The following MYO1D variants were observed in gnomAD, a reference collection of about 807,000 sequenced individuals.
MYO1D encodes unconventional myosin-Id.
MYO1D carries 83 observed loss-of-function variants against 122.0 expected under a neutral mutation model. That is an observed-to-expected ratio of 0.68 (90% CI 0.57 to 0.82). MYO1D has a LOEUF of 0.82. Ranked by LOEUF, MYO1D falls within the 40% of genes least tolerant of loss-of-function variation. The probability of loss-of-function intolerance (pLI) is 0.00; values close to 1 mark genes in which losing one functional copy is unlikely to be tolerated. For missense variants in MYO1D, 1,157 were observed against 1,269.5 expected, an observed-to-expected ratio of 0.91 and a Z score of 1.35; for synonymous variants, 464 against 446.9, an observed-to-expected ratio of 1.04 and a Z score of -0.48.
intron 21 of MYO1D, among the ~76,000 whole-genome samples, chr17:32,545,004 T>C (rs993929464): frequency 1.3e-5 from 2 of 152,208 alleles, no homozygotes; most frequent in Non-Finnish European, 2.9e-5. Context: ...CTTGTCCACC[T>C]GCCTTGCGTA....
intron 20 of MYO1D, among the ~76,000 whole-genome samples, chr17:32,613,061 C>T (rs1250390183): frequency 1.3e-5 from 2 of 151,986 alleles, no homozygotes; most frequent in Non-Finnish European, 2.9e-5. Context: ...AGCCACTGCA[C>T]CAGGCCTGAA....
intron 1 of MYO1D, among the ~76,000 whole-genome samples, chr17:32,795,818 AC>A (rs980439561): frequency 2.0e-5 from 3 of 152,046 alleles, no homozygotes; most frequent in African/African-American, 7.3e-5. Context: ...CATAGCAGTT[AC>A]GTCAGACTAC....
At chr17:32,685,966 A>G (rs569821564) in intron 16 of MYO1D, among the ~76,000 whole-genome samples, 1 of 152,362 alleles carries the variant, frequency 6.6e-6, no homozygotes, top group East Asian at 1.9e-4. Flanking sequence ...ATGAGCAACA[A>G]ATAAATTCTG....
At chr17:32,756,223 T>C (rs1029639832) in intron 10 of MYO1D, 4 of 228,044 alleles carry the variant, frequency 1.8e-5, no homozygotes, top group Non-Finnish European at 3.5e-5. Flanking sequence ...ATACTGTTAA[T>C]GTGTCACGCA....
At chr17:32,509,592 C>CTT (rs879629776) in intron 21 of MYO1D, among the ~76,000 whole-genome samples, 1 of 146,794 alleles carries the variant, frequency 6.8e-6, no homozygotes. Context: ...TTTTTTCTTT[C>CTT]TTTTTTTTTT....
intron 16 of MYO1D, among the ~76,000 whole-genome samples, chr17:32,666,983 T>C (rs1394692590): frequency 1.3e-5 from 2 of 152,248 alleles, no homozygotes; most frequent in Non-Finnish European, 2.9e-5. Context: ...GTCTACATAA[T>C]GGGGAACTTT....
chr17:32,804,071 G>A (rs547181122), intron 1 of MYO1D, among the ~76,000 whole-genome samples: 2 of 152,282 alleles, frequency 1.3e-5, no homozygotes, highest in Admixed American at 6.5e-5. Flanking sequence ...AGGACCTCTT[G>A]TGGATAGCAG....
intron 20 of MYO1D, among the ~76,000 whole-genome samples, chr17:32,612,697 A>C (rs1233354657): frequency 6.0e-5 from 5 of 83,050 alleles, no homozygotes; most frequent in Non-Finnish European, 9.2e-5. Flanking sequence ...AAAAAAAAAC[A>C]AAAAAAAAAA....
chr17:32,587,373 G>A (rs570597547), intron 21 of MYO1D, among the ~76,000 whole-genome samples: 33 of 152,168 alleles, frequency 2.2e-4, no homozygotes, highest in Middle Eastern at 6.8e-3. Flanking sequence ...TTAGCCAGGC[G>A]TGGTGGTGGG....
At chr17:32,671,455 G>A (rs180987944) in intron 16 of MYO1D, among the ~76,000 whole-genome samples, 92 of 152,336 alleles carry the variant, frequency 6.0e-4, no homozygotes, top group African/African-American at 2.0e-3. Context: ...GCGCTGGGGC[G>A]AAAGGCATAA....
rs544906001 is a variant in MYO1D at position 32,498,539 on chromosome 17, A to C, written c.2865-3624T>G. ...ACTCCACCCCGGGCACTGTGTCGGC[A>C]CTGGAAACATGAAACCCGAGCTGGG... On this transcript the variant is annotated intron_variant, in intron 21 of 21. Coordinates refer to ENST00000318217, the MANE Select transcript of MYO1D (RefSeq NM_015194.3). 2.6e-5 allele frequency: 4 copies of C among 152,312 alleles called. No homozygotes were observed. In the East Asian group the frequency reaches 5.8e-4, roughly 22 times the overall value. The allele number at this position is 152,312 out of a possible 1,614,324, so 9.4% of individuals were successfully genotyped here. A position where few individuals can be genotyped will look rare whatever the true frequency, so the allele number is the denominator to read the frequency against.
At chr17:32,502,172 G>T (rs1252067124) in intron 21 of MYO1D, among the ~76,000 whole-genome samples, 1 of 152,208 alleles carries the variant, frequency 6.6e-6, no homozygotes, top group Non-Finnish European at 1.5e-5. Context: ...ATCAGTGGAT[G>T]AATGAATAAA....
chr17:32,563,832 T>C (rs764137749), intron 21 of MYO1D, among the ~76,000 whole-genome samples: 8 of 152,234 alleles, frequency 5.3e-5, no homozygotes, highest in African/African-American at 2.4e-5. Context: ...TGCTACATAT[T>C]GGTTTAAGAT....
At chr17:32,725,030 C>T (rs1220671554) in intron 14 of MYO1D, among the ~76,000 whole-genome samples, 1 of 152,122 alleles carries the variant, frequency 6.6e-6, no homozygotes, top group African/African-American at 2.4e-5. Context: ...TGCAGGTATC[C>T]AGACACTGGA....
intron 1 of MYO1D, among the ~76,000 whole-genome samples, chr17:32,803,488 T>C (rs961866326): frequency 2.6e-5 from 4 of 152,206 alleles, no homozygotes; most frequent in Non-Finnish European, 5.9e-5. Context: ...ATATGTATTT[T>C]AAAAGGATGT....
chr17:32,685,272 T>C (rs1375612443), intron 16 of MYO1D, among the ~76,000 whole-genome samples: 1 of 152,118 alleles, frequency 6.6e-6, no homozygotes, highest in Non-Finnish European at 1.5e-5. Context: ...TCAAATTAAC[T>C]CCAAGTAATG....
chr17:32,513,464 G>GA (rs1909766847), intron 21 of MYO1D, among the ~76,000 whole-genome samples: 1 of 152,160 alleles, frequency 6.6e-6, no homozygotes. Flanking sequence ...TTTGGACAGT[G>GA]TTGAGTTTGA....
At chr17:32,671,473 T>C (rs2088720352) in intron 16 of MYO1D, among the ~76,000 whole-genome samples, 1 of 152,224 alleles carries the variant, frequency 6.6e-6, no homozygotes, top group Non-Finnish European at 1.5e-5. Flanking sequence ...TAAGAATTCT[T>C]TATATTATTC....
At chr17:32,850,525 T>C (rs1049548438) in intron 1 of MYO1D, among the ~76,000 whole-genome samples, 1 of 152,234 alleles carries the variant, frequency 6.6e-6, no homozygotes, top group African/African-American at 2.4e-5. Context: ...CTGAGCAGTA[T>C]AAAAACTAAG....
Sources: gnomAD v4.1 joint callset for allele counts (sites outside exome capture counted in the v4.1 genomes callset) on GRCh38, gnomAD v4.1.1 for gene constraint, MANE v1.5 for transcripts, NCBI Gene and HGNC (gene_info 2026-07-23, HGNC 2026-07-21) for gene names.